PLXND1: variants seen among roughly 807,000 people sequenced by gnomAD.
The protein encoded by PLXND1 is plexin D1.
PLXND1 carries 54 observed loss-of-function variants against 197.7 expected under a neutral mutation model. The ratio of observed to expected loss-of-function variants is 0.27; its 90% CI spans 0.22 to 0.34. The LOEUF (loss-of-function observed/expected upper bound fraction) is 0.34, where lower values mean the gene tolerates loss of function less well. Ranked by LOEUF, PLXND1 falls within the 10% of genes least tolerant of loss-of-function variation. PLXND1 has a pLI of 1.00. For missense variants in PLXND1, 2,127 were observed against 2,699.2 expected (o/e 0.79, Z 4.70); for synonymous variants, 1,180 against 1,161.2 (o/e 1.02, Z -0.33).
Position 129,575,459 on chromosome 3 carries a change from G to C in PLXND1, c.2530+10C>G, listed in dbSNP as rs2108779967. 1 of 1,536,176 alleles carries C rather than the reference G, an allele frequency of 6.5e-7. No homozygotes were observed. Among genetic ancestry groups the C allele is most frequent in the Non-Finnish European group, 8.8e-7 (1 of 1,133,100 alleles). On this transcript the variant is annotated intron_variant, in intron 11 of 35. Transcript: ENST00000324093. ...CCCCGAGGCCATGTGGGGCGGGTGG[G>C]GGTGCCCACCTGTCATGGGCTCAGG...
chr3:129,589,310 T>TGGGGGG, intron 2 of PLXND1, 41 bp downstream of exon 2: 1 of 501,294 alleles, frequency 2.0e-6, no homozygotes. Flanking sequence ...CAGGGGAGCC[T>TGGGGGG]CCCACCCCCA....
intron 1 of PLXND1, among the ~76,000 whole-genome samples, chr3:129,590,736 A>C (rs896365680): frequency 6.6e-6 from 1 of 152,224 alleles, no homozygotes; most frequent in Non-Finnish European, 1.5e-5. Context: ...GAATCCTGGC[A>C]GCCCTAGGGG....
At chr3:129,599,424 A>G (rs991651127) in intron 1 of PLXND1, among the ~76,000 whole-genome samples, 37 of 152,214 alleles carry the variant, frequency 2.4e-4, no homozygotes, top group Non-Finnish European at 3.8e-4. Flanking sequence ...AGTTGGCCCC[A>G]GGGTCCTGCA....
In PLXND1 at chr3:129,584,499, A is replaced by G; in HGVS notation, c.1915T>C (p.Tyr639His). The change falls in exon 6 of 36, where the codon TAT becomes CAT. Residue 639 changes from tyrosine (Y) to histidine (H), a missense_variant. Physicochemically the swap from Tyr to His is moderately conservative, Grantham distance 83. Around this residue, in one of 6 missense-constraint regions of PLXND1, gnomAD observed 1,095 missense variants for 1,259.8 expected, o/e 0.87. Coordinates refer to ENST00000324093, the MANE Select transcript of PLXND1 (RefSeq NM_015103.3). ...GCCACAGTGCGGATGTTGTTCCCAT[A>G]GTCACAGGCCATCTCCATGCCACTG... ...SLSGMEMACD[Y>H]GNNIRTVARV... 1 of 1,613,960 alleles carries G rather than the reference A, an allele frequency of 6.2e-7. No homozygotes were observed. Among genetic ancestry groups the G allele is most frequent in the Non-Finnish European group, 8.5e-7 (1 of 1,179,954 alleles).
intron 9 of PLXND1, among the ~76,000 whole-genome samples, chr3:129,576,834 T>A (rs1578331206): frequency 6.6e-6 from 1 of 152,128 alleles, no homozygotes; most frequent in Non-Finnish European, 1.5e-5. Flanking sequence ...AGGTATCCAA[T>A]AATGTTTGTG....
In PLXND1 at chr3:129,605,785, G is replaced by A; in HGVS notation, c.855C>T (p.His285=). ...HKLGFVSAFL[H]PSDPPPGAQS... is the part of the protein sequence containing the mutation. ...GTGCACCCGGCGGCGGGTCGGACGG[G>A]TGCAGGAAGGCGCTCACGAAGCCCA... The change falls in exon 1 of 36, where the codon CAC becomes CAT. Residue 285 remains histidine (H), a synonymous_variant. Transcript: ENST00000324093. The A allele has an allele frequency of 6.3e-7, 1 of 1,588,444 alleles. No homozygotes were observed.
Position 129,573,574 on chromosome 3 carries a change from G to C in PLXND1, c.2837+20C>G, listed in dbSNP as rs201698851. 5.6e-6 allele frequency: 9 copies of C among 1,607,620 alleles called. No individual in the cohort carries two copies. The highest frequency in any genetic ancestry group is 7.7e-6 in the Non-Finnish European group (9 of 1,176,338). ...CTGGCACTGCTGGAGAAGGTAGGTG[G>C]GGGCACCGTGGCTACTCACTCCTCC... On this transcript the variant is annotated intron_variant, in intron 13 of 35. Transcript: ENST00000324093.
In PLXND1 at chr3:129,584,507, G is replaced by T; in HGVS notation, c.1907C>A (p.Ala636Asp). 1 of 1,613,830 alleles carries T rather than the reference G, an allele frequency of 6.2e-7. No homozygotes were observed. The highest frequency in any genetic ancestry group is 8.5e-7 in the Non-Finnish European group (1 of 1,179,880). Residue 636 changes from alanine (A) to aspartate (D), a missense_variant, in exon 6 of 36, where the codon GCC (alanine) becomes GAC (aspartate). By Grantham distance (126) the Ala-to-Asp change is moderately radical. This residue lies in a region of PLXND1 where 1,095 missense variants were observed against 1,259.8 expected (regional missense o/e 0.87). Coordinates refer to ENST00000324093, the MANE Select transcript of PLXND1 (RefSeq NM_015103.3). ...SLPSLSGMEM[A>D]CDYGNNIRTV... ...GCGGATGTTGTTCCCATAGTCACAGGCCATCTCCATGCCACTGAGGCTGGG... is the reference window on the plus strand; with the variant it reads ...GCGGATGTTGTTCCCATAGTCACAGTCCATCTCCATGCCACTGAGGCTGGG...
In PLXND1 at chr3:129,560,403, T is replaced by C. The variant is rs752712168; in HGVS notation, c.5060A>G (p.Lys1687Arg). Residue 1687 changes from lysine to arginine, a missense_variant, in exon 31 of 36, where the codon AAG becomes AGG. Physicochemically the swap from Lys to Arg is conservative, Grantham distance 26. Coordinates refer to ENST00000324093, the MANE Select transcript of PLXND1 (RefSeq NM_015103.3). ...GCGATGGCTCTGCCGGTGAGACTTC[T>C]TGGGCTCCGCCAGCTCGTCCGTAGG... is the stretch of plus-strand genomic sequence containing the variant. ...VLPTDELAEP[K>R]KSHRQSHRKK... The C allele has an allele frequency of 1.2e-6, 2 of 1,613,934 alleles. No homozygotes were observed. Among genetic ancestry groups the C allele is most frequent in the Non-Finnish European group, 1.7e-6 (2 of 1,179,862 alleles).
rs1204952483 is a variant in PLXND1, at chr3:129,556,625, G to A, written c.5653C>T (p.Arg1885Trp). 7 of 1,611,692 alleles carry A rather than the reference G, an allele frequency of 4.3e-6. No homozygotes were observed. The highest frequency in any genetic ancestry group is 1.7e-4 in the Middle Eastern group (1 of 6,050). ...AEIYKYAKRY[R>W]PQIMAALEAN... Reference sequence around the variant, plus strand: ...CACCCTGGGGCACTCACCTGCGGCCGATACCTCTTGGCGTACTTATAAATC... The same window carrying A: ...CACCCTGGGGCACTCACCTGCGGCCAATACCTCTTGGCGTACTTATAAATC... The change falls in exon 35 of 36, where the codon CGG becomes TGG. Residue 1885 changes from arginine (R) to tryptophan (W), a missense_variant. Physicochemically the swap from Arg to Trp is moderately radical, Grantham distance 101 (BLOSUM62 -3). Coordinates refer to ENST00000324093, the MANE Select transcript of PLXND1 (RefSeq NM_015103.3).
intron 22 of PLXND1, among the ~76,000 whole-genome samples, chr3:129,566,974 C>A (rs2085150141): frequency 1.3e-5 from 2 of 152,188 alleles, no homozygotes; most frequent in South Asian, 4.1e-4. Flanking sequence ...CATGGGCTTG[C>A]TTTGGCCACT....
At chr3:129,556,729 G>T in intron 34 of PLXND1, 38 bp from the exon 35 acceptor site, 1 of 1,469,814 alleles carries the variant, frequency 6.8e-7, no homozygotes, top group South Asian at 1.2e-5. Flanking sequence ...TTAGCCCAGC[G>T]GTCAAAGCTG....
intron 5 of PLXND1, 107 bp from the exon 6 acceptor site, chr3:129,584,669 G>A (rs764945368): frequency 3.0e-5 from 32 of 1,083,034 alleles, no homozygotes; most frequent in Non-Finnish European, 3.8e-5. Context: ...ATGTCCCCTG[G>A]GGGAAGGGGT....
chr3:129,606,297 C>G lies in PLXND1; in HGVS notation c.343G>C (p.Glu115Gln). 6.6e-7 allele frequency: 1 copy of G among 1,524,474 alleles called. No homozygotes were observed. The highest frequency in any genetic ancestry group is 8.8e-7 in the Non-Finnish European group (1 of 1,141,714). The allele number at this position is 1,524,474 out of a possible 1,614,324, so 94.4% of individuals were successfully genotyped here. A position where few individuals can be genotyped will look rare whatever the true frequency, so the allele number is the denominator to read the frequency against. ...TTGTCCGTGAGGCGCCGCGGGTGCT[C>G]GCACGAGGCCTGCGGCAGCTGCGGA... ...HAPQLPQASC[E>Q]HPRRLTDNYN... Residue 115 changes from glutamate to glutamine, a missense_variant, in exon 1 of 36, where the codon GAG becomes CAG. This residue lies in a region of PLXND1 where 245 missense variants were observed against 267.1 expected (regional missense o/e 0.92). Coordinates refer to ENST00000324093, the MANE Select transcript of PLXND1 (RefSeq NM_015103.3).
In PLXND1 at chr3:129,572,624, G is replaced by C; in HGVS notation, c.3062C>G (p.Pro1021Arg). The stretch of plus-strand genomic sequence containing the variant: ...AGAGGCTTACATCAGCTCCGTGCAG[G>C]GGTCTGTGTCGTTCACCAGGACCTG... ...ELQVLVNDTD[P>R]CTELMRTDTS... Residue 1021 changes from proline to arginine, a missense_variant, in exon 15 of 36, where the codon CCC becomes CGC. Pro to Arg is a moderately radical substitution (Grantham distance 103). This residue lies in a region of PLXND1 where 1,095 missense variants were observed against 1,259.8 expected (regional missense o/e 0.87). Coordinates refer to ENST00000324093, the MANE Select transcript of PLXND1 (RefSeq NM_015103.3). The C allele has an allele frequency of 6.4e-7, 1 of 1,568,670 alleles. No individual in the cohort carries two copies. The highest frequency in any genetic ancestry group is 1.2e-5 in the South Asian group (1 of 83,250).
intron 29 of PLXND1, among the ~76,000 whole-genome samples, chr3:129,561,229 G>A (rs1013184369): frequency 9.9e-5 from 15 of 152,210 alleles, no homozygotes; most frequent in African/African-American, 2.7e-4. Context: ...CTCAACCTTA[G>A]AAGGGGACCC....
chr3:129,592,784 G>A (rs1261911025), intron 1 of PLXND1, among the ~76,000 whole-genome samples: 1 of 152,198 alleles, frequency 6.6e-6, no homozygotes, highest in Non-Finnish European at 1.5e-5. Flanking sequence ...TGTTCCGAGG[G>A]GGAAGCTGAT....
rs2084995030 is a variant in PLXND1, at chr3:129,557,735, G to A, written c.5446-512C>T. Reference sequence around the variant, plus strand: ...AGTACGTGAGTAGTAGTGGAGCGATGGCATTTTCTCCTTCCCGTGGTCCGT... The same window carrying A: ...AGTACGTGAGTAGTAGTGGAGCGATAGCATTTTCTCCTTCCCGTGGTCCGT... On this transcript the variant is annotated intron_variant, in intron 33 of 35. Coordinates refer to ENST00000324093, the MANE Select transcript of PLXND1 (RefSeq NM_015103.3). The surrounding 1 kb of genome is among the most constrained non-coding windows in gnomAD (Gnocchi z 4.8). 6.6e-6 allele frequency among the ~76,000 whole-genome samples: 1 copy of A among 152,192 alleles called. No individual in the cohort carries two copies. The highest frequency in any genetic ancestry group is 1.9e-4 in the East Asian group (1 of 5,198).
At chr3:129,586,841 G>A (rs371904580) in intron 2 of PLXND1, 122 bp from the exon 3 acceptor site, 5 of 1,185,746 alleles carry the variant, frequency 4.2e-6, no homozygotes, top group East Asian at 2.6e-5. Context: ...CCTTCAGGAG[G>A]GGTGGGAAGT....
Sources: allele counts gnomAD v4.1 joint callset (sites outside exome capture counted in the v4.1 genomes callset), GRCh38; gene constraint gnomAD v4.1.1; regional missense constraint gnomAD v4.1.1; non-coding constraint Gnocchi (gnomAD v3.1); transcripts MANE v1.5; gene names NCBI Gene and HGNC (gene_info 2026-07-23, HGNC 2026-07-21).